The following ASB7 variants were observed in gnomAD, a reference collection of about 807,000 sequenced individuals.
ASB7 encodes the protein ankyrin repeat and SOCS box protein 7.
Under a neutral mutation model 32.5 loss-of-function variants are expected in ASB7, and 4 were observed. That is an observed-to-expected ratio of 0.12 (90% CI 0.06 to 0.28). The LOEUF is 0.28. ASB7 is among the 10% of genes least tolerant of loss of function. The pLI, the probability that ASB7 is intolerant of heterozygous loss-of-function variation, is 1.00. For missense variants in ASB7, 181 were observed against 407.1 expected, an observed-to-expected ratio of 0.44 and a Z score of 4.78; for synonymous variants, 172 against 155.6, an observed-to-expected ratio of 1.11 and a Z score of -0.78.
At chr15:100,633,763 T>C (rs2039902497) in intron 5 of ASB7, among the ~76,000 whole-genome samples, 3 of 151,984 alleles carry the variant, frequency 2.0e-5, no homozygotes, top group Non-Finnish European at 4.4e-5. Context: ...TGGAGGTAAA[T>C]AGCCCCTTGT....
chr15:100,643,704 A>G (rs2039978203), intron 5 of ASB7, among the ~76,000 whole-genome samples: 1 of 151,036 alleles, frequency 6.6e-6, no homozygotes, highest in South Asian at 2.1e-4. Flanking sequence ...CATGTTGGCC[A>G]GGATGGTCTC....
intron 5 of ASB7, among the ~76,000 whole-genome samples, chr15:100,633,262 G>T (rs1263159699): frequency 1.3e-5 from 2 of 152,006 alleles, no homozygotes; most frequent in Non-Finnish European, 2.9e-5. Context: ...AACAGTGAAG[G>T]TGTGACCGAT....
At chr15:100,621,962 G>A (rs1169194745) in intron 4 of ASB7, among the ~76,000 whole-genome samples, 5 of 151,800 alleles carry the variant, frequency 3.3e-5, no homozygotes, top group African/African-American at 4.8e-5. Flanking sequence ...TCAAGCAAGA[G>A]AAAGGAATAA....
In ASB7 at chr15:100,647,510, T is replaced by G. The variant is rs1336306568; in HGVS notation, c.818-813T>G. On this transcript the variant is annotated intron_variant, in intron 5 of 5. Transcript: ENST00000332783. ...CAGTTGAAGAATTCTTCCTTGTTTT[T>G]GGAGCCATCTGTATTGTTTTTGTAA... Among the ~76,000 whole-genome samples the G allele has an allele frequency of 2.6e-5, 4 of 152,374 alleles. No individual in the cohort carries two copies. In the East Asian group the frequency reaches 7.7e-4, roughly 29 times the overall value.
chr15:100,621,183 G>A (rs1267166039), intron 4 of ASB7, among the ~76,000 whole-genome samples: 1 of 152,146 alleles, frequency 6.6e-6, no homozygotes, highest in African/African-American at 2.4e-5. Context: ...TGCCAATATA[G>A]AATTTATGTT....
At chr15:100,616,256 G>A (rs1338233491) in intron 4 of ASB7, among the ~76,000 whole-genome samples, 2 of 151,924 alleles carry the variant, frequency 1.3e-5, no homozygotes, top group Admixed American at 6.6e-5. Flanking sequence ...TGTTGGAATT[G>A]TTTATATATT....
chr15:100,627,038 T>G (rs1426145844), intron 4 of ASB7, among the ~76,000 whole-genome samples: 1 of 152,044 alleles, frequency 6.6e-6, no homozygotes, highest in East Asian at 1.9e-4. Flanking sequence ...TTATCAAAGC[T>G]CATCATCTGT....
intron 5 of ASB7, among the ~76,000 whole-genome samples, chr15:100,634,047 A>C (rs1158183246): frequency 1.3e-5 from 2 of 152,222 alleles, no homozygotes; most frequent in African/African-American, 4.8e-5. Context: ...TGACACAAGC[A>C]GATGTTATTA....
intron 5 of ASB7, among the ~76,000 whole-genome samples, chr15:100,633,748 C>T (rs2039902390): frequency 6.6e-6 from 1 of 152,086 alleles, no homozygotes; most frequent in African/African-American, 2.4e-5. Context: ...CAGCAGTGGA[C>T]ATTTTGGAGG....
intron 3 of ASB7, among the ~76,000 whole-genome samples, chr15:100,610,700 C>G (rs1006070550): frequency 4.6e-5 from 7 of 152,140 alleles, no homozygotes; most frequent in African/African-American, 1.7e-4. Flanking sequence ...CCTAAGTTTA[C>G]TTTTGTACAG....
rs1052652983 is a variant in ASB7 at position 100,629,239 on chromosome 15, G to T, written c.212-198G>T. On this transcript the variant is annotated intron_variant, in intron 4 of 5. Transcript: ENST00000332783. The surrounding 1 kb of genome is among the most constrained non-coding windows in gnomAD (Gnocchi z 6.8). ...TCTTTCTCCTTTCATTAACCCAGAC[G>T]TGATAACATTCTACAAAATTTATTT... 2.0e-5 allele frequency among the ~76,000 whole-genome samples: 3 copies of T among 152,174 alleles called. No individual in the cohort carries two copies. The highest frequency in any genetic ancestry group is 6.5e-5 in the Admixed American group (1 of 15,282).
chr15:100,647,431 TATC>T (rs1160406665), intron 5 of ASB7, among the ~76,000 whole-genome samples: 2 of 152,242 alleles, frequency 1.3e-5, no homozygotes, highest in Non-Finnish European at 2.9e-5. Flanking sequence ...TTAGCTTTAT[TATC>T]ATGTTTAATA....
At chr15:100,624,903 T>TAA (rs36088432) in intron 4 of ASB7, among the ~76,000 whole-genome samples, 41 of 151,356 alleles carry the variant, frequency 2.7e-4, no homozygotes, top group African/African-American at 4.9e-4. Context: ...TATTGGTGTA[T>TAA]AAAAAAAAAT....
chr15:100,631,177 T>C (rs2039880420), intron 5 of ASB7, among the ~76,000 whole-genome samples: 1 of 152,240 alleles, frequency 6.6e-6, no homozygotes, highest in Non-Finnish European at 1.5e-5. Flanking sequence ...GTCTACTTAG[T>C]GCTGGCCAGT....
intron 4 of ASB7, among the ~76,000 whole-genome samples, chr15:100,612,861 T>C (rs1232409957): frequency 6.6e-6 from 1 of 152,250 alleles, no homozygotes; most frequent in African/African-American, 2.4e-5. Flanking sequence ...CTTATCTTTT[T>C]GTTTCAGATG....
At chr15:100,643,576 G>T (rs1187350671) in intron 5 of ASB7, among the ~76,000 whole-genome samples, 1 of 138,846 alleles carries the variant, frequency 7.2e-6, no homozygotes, top group Non-Finnish European at 1.5e-5. Flanking sequence ...TGCAACCTCT[G>T]CCTCCTGGGT....
chr15:100,639,460 C>T (rs974425421), intron 5 of ASB7, among the ~76,000 whole-genome samples: 3 of 151,906 alleles, frequency 2.0e-5, no homozygotes, highest in South Asian at 2.1e-4. Context: ...TTTAAGAAAG[C>T]GGGCTCGAGC....
rs186815246 is a variant in ASB7, at chr15:100,612,140, A to G, written c.-51-26A>G. 1.8e-3 allele frequency: 2,229 copies of G among 1,263,358 alleles called. 7 individuals carry two copies. The highest frequency in any genetic ancestry group is 2.3e-3 in the Non-Finnish European group (2,070 of 881,748). 78.3% of individuals were successfully genotyped at this position (1,263,358 alleles called of 1,614,324 possible). A position where few individuals can be genotyped will look rare whatever the true frequency, so the allele number is the denominator to read the frequency against. ...TCAGGAACCAGTTATTCTAAATTTT[A>G]CCTTTTCTACCTTCTCTTCTTAAAG... On this transcript the variant is annotated intron_variant, in intron 3 of 5. Coordinates refer to ENST00000332783, the MANE Select transcript of ASB7 (RefSeq NM_198243.3).
intron 4 of ASB7, among the ~76,000 whole-genome samples, chr15:100,613,532 C>T (rs192941317): frequency 5.4e-4 from 83 of 152,326 alleles, no homozygotes; most frequent in African/African-American, 1.8e-3. Flanking sequence ...AGCTTGTCTT[C>T]CATGTCATTT....
Sources: gnomAD v4.1 joint callset for allele counts (sites outside exome capture counted in the v4.1 genomes callset) on GRCh38, gnomAD v4.1.1 for gene constraint, Gnocchi (gnomAD v3.1) non-coding constraint, MANE v1.5 for transcripts, NCBI Gene and HGNC (gene_info 2026-07-23, HGNC 2026-07-21) for gene names.